CCSER1: variants seen among roughly 807,000 people sequenced by gnomAD.
CCSER1 encodes serine-rich coiled-coil domain-containing protein 1.
CCSER1 carries 41 observed loss-of-function variants against 82.0 expected under a neutral mutation model. The observed-to-expected ratio is 0.50, with a 90% CI of 0.39 to 0.65. The LOEUF is 0.65. Ranked by LOEUF, CCSER1 falls within the 30% of genes least tolerant of loss-of-function variation. The pLI, the probability that CCSER1 is intolerant of heterozygous loss-of-function variation, is 0.00. For synonymous variants in CCSER1, 414 were observed against 383.9 expected (o/e 1.08, Z -0.92); for missense variants, 1,119 against 1,064.2 (o/e 1.05, Z -0.72).
rs554211648 is a variant in CCSER1, at chr4:90,946,629, A to G, written c.2172+23182A>G. Among the ~76,000 whole-genome samples, 3 of 126,998 alleles carry G rather than the reference A, an allele frequency of 2.4e-5. No individual in the cohort carries two copies. The East Asian group carries it at 6.8e-4, about 29-fold the overall frequency. 83.3% of individuals were successfully genotyped at this position (126,998 alleles called of 152,430 possible). A position where few individuals can be genotyped will look rare whatever the true frequency, so the allele number is the denominator to read the frequency against. ...CTGGAGGCAAGACTGCACCTCAAAA[A>G]AAAAAAAAAAAGAGATTATAGAGGA... On this transcript the variant is annotated intron_variant, in intron 9 of 10. Coordinates refer to ENST00000509176, the MANE Select transcript of CCSER1 (RefSeq NM_001145065.2).
chr4:91,078,590 C>T (rs190972133), intron 9 of CCSER1, among the ~76,000 whole-genome samples: 7 of 152,290 alleles, frequency 4.6e-5, no homozygotes, highest in East Asian at 1.9e-4. Flanking sequence ...TTTGATGAGT[C>T]GAGAGAAGAA....
chr4:90,150,619 C>A (rs540268058), intron 1 of CCSER1, among the ~76,000 whole-genome samples: 1 of 152,098 alleles, frequency 6.6e-6, no homozygotes, highest in African/African-American at 2.4e-5. Context: ...TTATCAATGT[C>A]CTAAATGTAA....
chr4:90,905,310 G>T (rs1161253808), intron 8 of CCSER1, among the ~76,000 whole-genome samples: 1 of 151,712 alleles, frequency 6.6e-6, no homozygotes, highest in Non-Finnish European at 1.5e-5. Context: ...ATTTTGTAGA[G>T]CCTACAATTG....
chr4:90,276,429 C>T (rs1727832806), intron 1 of CCSER1, among the ~76,000 whole-genome samples: 3 of 150,568 alleles, frequency 2.0e-5, no homozygotes, highest in South Asian at 4.2e-4. Context: ...TCACTGCAAC[C>T]TTCACCTCCT....
chr4:90,413,174 G>T (rs1755157427), intron 4 of CCSER1, among the ~76,000 whole-genome samples: 1 of 152,072 alleles, frequency 6.6e-6, no homozygotes, highest in South Asian at 2.1e-4. Context: ...AGAATCAAAT[G>T]AAGAACACAA....
chr4:90,973,326 A>C (rs1220152350), intron 9 of CCSER1, among the ~76,000 whole-genome samples: 1 of 151,770 alleles, frequency 6.6e-6, no homozygotes, highest in African/African-American at 2.4e-5. Flanking sequence ...ATAGAAGAAA[A>C]CAAATAACCT....
chr4:91,193,324 C>A (rs1337926651), intron 10 of CCSER1, among the ~76,000 whole-genome samples: 4 of 152,120 alleles, frequency 2.6e-5, no homozygotes, highest in African/African-American at 9.7e-5. Context: ...GGAAGTAGGA[C>A]CTATGTTGTA....
At chr4:91,328,811 G>T (rs541382453) in intron 10 of CCSER1, among the ~76,000 whole-genome samples, 12 of 152,144 alleles carry the variant, frequency 7.9e-5, no homozygotes, top group African/African-American at 4.8e-5. Flanking sequence ...ACCTTGAATT[G>T]TAATGATCCC....
intron 9 of CCSER1, among the ~76,000 whole-genome samples, chr4:91,081,391 T>G (rs1182482150): frequency 6.6e-6 from 1 of 152,126 alleles, no homozygotes; most frequent in Admixed American, 6.5e-5. Flanking sequence ...CTCAATAAAT[T>G]AGGTATTCAT....
At chr4:90,585,629 T>A (rs1045137973) in intron 5 of CCSER1, among the ~76,000 whole-genome samples, 14 of 152,218 alleles carry the variant, frequency 9.2e-5, no homozygotes, top group African/African-American at 3.1e-4. Context: ...ATTATTAATA[T>A]AGAATTTTGT....
At chr4:91,121,092 A>G (rs1329412282) in intron 10 of CCSER1, among the ~76,000 whole-genome samples, 1 of 151,088 alleles carries the variant, frequency 6.6e-6, no homozygotes, top group African/African-American at 2.4e-5. Context: ...TAAATTCTTT[A>G]TATATGTTAC....
intron 10 of CCSER1, among the ~76,000 whole-genome samples, chr4:91,288,694 A>T (rs1369244162): frequency 6.6e-6 from 1 of 152,086 alleles, no homozygotes; most frequent in Non-Finnish European, 1.5e-5. Flanking sequence ...AAAAGCCTAA[A>T]ATGCAGGGGA....
At chr4:91,347,277 A>T (rs1748123301) in intron 10 of CCSER1, among the ~76,000 whole-genome samples, 1 of 152,152 alleles carries the variant, frequency 6.6e-6, no homozygotes, top group African/African-American at 2.4e-5. Context: ...TTCCTTTGTC[A>T]AACATCACTT....
At chr4:90,717,801 G>T (rs531327897) in intron 6 of CCSER1, among the ~76,000 whole-genome samples, 2 of 149,552 alleles carry the variant, frequency 1.3e-5, no homozygotes, top group African/African-American at 4.9e-5. Context: ...ATATATATGT[G>T]TATATATATG....
At chr4:90,189,739 C>A (rs1050276131) in intron 1 of CCSER1, among the ~76,000 whole-genome samples, 4 of 151,874 alleles carry the variant, frequency 2.6e-5, no homozygotes, top group African/African-American at 9.7e-5. Flanking sequence ...ACACATGGAG[C>A]TCTTAAACGT....
intron 10 of CCSER1, among the ~76,000 whole-genome samples, chr4:91,179,333 A>G (rs992758430): frequency 6.6e-6 from 1 of 152,084 alleles, no homozygotes; most frequent in East Asian, 1.9e-4. Flanking sequence ...CATTTCCTGA[A>G]TTTGAATGTT....
chr4:90,780,372 A>G, intron 7 of CCSER1: 1 of 1,504,966 alleles, frequency 6.6e-7, no homozygotes, highest in Non-Finnish European at 9.1e-7. Context: ...GATGATCCCC[A>G]AAATAATTCA....
intron 10 of CCSER1, among the ~76,000 whole-genome samples, chr4:91,377,941 G>A (rs1560623929): frequency 6.6e-6 from 1 of 152,176 alleles, no homozygotes; most frequent in Non-Finnish European, 1.5e-5. Context: ...GTGTAAGGAA[G>A]GGATCCAGTT....
At chr4:90,316,662 A>G (rs1371026739) in intron 3 of CCSER1, among the ~76,000 whole-genome samples, 3 of 152,176 alleles carry the variant, frequency 2.0e-5, no homozygotes. Flanking sequence ...CATGTAGTTC[A>G]TGGGGATTTC....
Sources: gnomAD v4.1 joint callset for allele counts (sites outside exome capture counted in the v4.1 genomes callset) on GRCh38, gnomAD v4.1.1 for gene constraint, MANE v1.5 for transcripts, NCBI Gene and HGNC (gene_info 2026-07-23, HGNC 2026-07-21) for gene names.